DLG2: variants seen among roughly 807,000 people sequenced by gnomAD.
DLG2 encodes the protein disks large homolog 2.
In DLG2, 45 loss-of-function variants were observed where a neutral mutation model predicts 132.5. The observed-to-expected ratio is 0.34, with a 90% CI of 0.27 to 0.44. DLG2 has a LOEUF of 0.44. Among genes scored for constraint, DLG2 ranks in the 20% least tolerant of loss-of-function variants. The probability of loss-of-function intolerance (pLI) is 1.00; values close to 1 mark genes in which losing one functional copy is unlikely to be tolerated. For synonymous variants in DLG2, 424 were observed against 419.6 expected, an observed-to-expected ratio of 1.01 and a Z score of -0.13; for missense variants, 1,045 against 1,196.9, an observed-to-expected ratio of 0.87 and a Z score of 1.87.
At chr11:84,884,737 T>G (rs10898313) in intron 6 of DLG2, among the ~76,000 whole-genome samples, 69,083 of 151,838 alleles carry the variant, frequency 0.45, 16,389 homozygotes, top group African/African-American at 0.54. Context: ...GGATACAGTA[T>G]TGCCTTCTTA....
chr11:85,047,716 AAAAT>A (rs957222810), intron 6 of DLG2, among the ~76,000 whole-genome samples: 5 of 151,966 alleles, frequency 3.3e-5, no homozygotes, highest in African/African-American at 1.2e-4. Context: ...AAATTATTTT[AAAAT>A]AAATAAAAAG....
chr11:84,582,280 T>G (rs909641032), intron 6 of DLG2, among the ~76,000 whole-genome samples: 8 of 151,220 alleles, frequency 5.3e-5, no homozygotes, highest in African/African-American at 1.9e-4. Context: ...ATCAAAATTA[T>G]ACAAATCTTG....
intron 3 of DLG2, among the ~76,000 whole-genome samples, chr11:85,361,257 G>A (rs1001814663): frequency 2.6e-5 from 4 of 151,972 alleles, no homozygotes; most frequent in African/African-American, 9.7e-5. Flanking sequence ...CCTGGTTCAA[G>A]CAATTCTCCT....
chr11:83,521,254 G>A (rs1439135936), intron 21 of DLG2, among the ~76,000 whole-genome samples: 1 of 152,176 alleles, frequency 6.6e-6, no homozygotes, highest in African/African-American at 2.4e-5. Flanking sequence ...AAAGTGCTTT[G>A]CAAATACAAG....
intron 6 of DLG2, among the ~76,000 whole-genome samples, chr11:84,962,822 T>G (rs2052780519): frequency 6.6e-6 from 1 of 152,250 alleles, no homozygotes; most frequent in Non-Finnish European, 1.5e-5. Flanking sequence ...ATTTCTTTCT[T>G]TAATGCTGCG....
chr11:84,077,517 T>C (rs920638416), intron 10 of DLG2, among the ~76,000 whole-genome samples: 3 of 152,194 alleles, frequency 2.0e-5, no homozygotes, highest in African/African-American at 7.2e-5. Flanking sequence ...CCTCAACCTA[T>C]TAATCTTCAT....
chr11:84,022,512 C>A (rs1182076603), intron 11 of DLG2, among the ~76,000 whole-genome samples: 1 of 152,084 alleles, frequency 6.6e-6, no homozygotes, highest in Non-Finnish European at 1.5e-5. Flanking sequence ...CCTCACTGGG[C>A]CAGCCAAACA....
chr11:84,853,687 C>A (rs923631306), intron 6 of DLG2, among the ~76,000 whole-genome samples: 1 of 151,992 alleles, frequency 6.6e-6, no homozygotes. Flanking sequence ...CTTAACTTTA[C>A]TGAGGGCAAA....
chr11:83,837,578 A>C (rs1456487136), intron 16 of DLG2, among the ~76,000 whole-genome samples: 1 of 151,942 alleles, frequency 6.6e-6, no homozygotes, highest in Non-Finnish European at 1.5e-5. Flanking sequence ...AGTATTATCA[A>C]AAGTTTTCCG....
At chr11:83,850,046 C>T (rs1489690750) in intron 16 of DLG2, among the ~76,000 whole-genome samples, 1 of 151,962 alleles carries the variant, frequency 6.6e-6, no homozygotes, top group Non-Finnish European at 1.5e-5. Context: ...TTAATGGGCT[C>T]TCATCCTAGG....
intron 3 of DLG2, among the ~76,000 whole-genome samples, chr11:85,461,753 T>A (rs933955531): frequency 2.0e-4 from 30 of 152,106 alleles, no homozygotes; most frequent in African/African-American, 7.2e-4. Context: ...GTGAACTCCC[T>A]ATTATGGACT....
intron 6 of DLG2, among the ~76,000 whole-genome samples, chr11:84,914,797 C>A (rs1247113680): frequency 6.6e-6 from 1 of 152,204 alleles, no homozygotes; most frequent in Admixed American, 6.5e-5. Context: ...CTCCATGGCC[C>A]AGTCCTTTCA....
At chr11:84,914,991 C>T (rs888592250) in intron 6 of DLG2, among the ~76,000 whole-genome samples, 6 of 152,180 alleles carry the variant, frequency 3.9e-5, no homozygotes, top group African/African-American at 1.2e-4. Context: ...AAGTAAGCAC[C>T]GATCTATGAA....
intron 11 of DLG2, among the ~76,000 whole-genome samples, chr11:84,015,759 C>T (rs2095146856): frequency 6.6e-6 from 1 of 152,100 alleles, no homozygotes; most frequent in Admixed American, 6.6e-5. Flanking sequence ...TGTATATGTA[C>T]CACATTTTCT....
At chr11:84,639,224 C>T (rs1423115251) in intron 6 of DLG2, among the ~76,000 whole-genome samples, 1 of 151,602 alleles carries the variant, frequency 6.6e-6, no homozygotes, top group African/African-American at 2.4e-5. Flanking sequence ...CTAATATAAT[C>T]TGAGTGTTAT....
chr11:85,613,492 G>A (rs2081139947), intron 2 of DLG2, among the ~76,000 whole-genome samples: 2 of 152,208 alleles, frequency 1.3e-5, no homozygotes, highest in Non-Finnish European at 2.9e-5. Context: ...CTGGGCTTCT[G>A]TGTCAGGTGG....
At chr11:83,472,906 T>C (rs950585461) in intron 22 of DLG2, 129 bp from the exon 23 acceptor site, 2 of 746,644 alleles carry the variant, frequency 2.7e-6, no homozygotes, top group Non-Finnish European at 4.5e-6. Flanking sequence ...CCTTGAACCA[T>C]TCAAAAATAA....
At chr11:84,872,039 G>C (rs1366872237) in intron 6 of DLG2, among the ~76,000 whole-genome samples, 2 of 152,174 alleles carry the variant, frequency 1.3e-5, no homozygotes, top group Admixed American at 6.5e-5. Flanking sequence ...TCACTAACAA[G>C]TTTATATCCT....
intron 17 of DLG2, among the ~76,000 whole-genome samples, chr11:83,821,328 T>C (rs2050723619): frequency 6.6e-6 from 1 of 152,144 alleles, no homozygotes; most frequent in Non-Finnish European, 1.5e-5. Context: ...AGAGCGGTCA[T>C]TGCATGTGGT....
Sources: gnomAD v4.1 joint callset for allele counts (sites outside exome capture counted in the v4.1 genomes callset) on GRCh38, gnomAD v4.1.1 for gene constraint, MANE v1.5 for transcripts, NCBI Gene and HGNC (gene_info 2026-07-23, HGNC 2026-07-21) for gene names.